NR1H4: variants seen among roughly 807,000 people sequenced by gnomAD.
The protein encoded by NR1H4 is nuclear receptor subfamily 1 group H member 4.
A neutral mutation model predicts 58.5 loss-of-function variants in NR1H4; 23 were observed. The observed-to-expected ratio is 0.39, with a 90% confidence interval of 0.28 to 0.56. The LOEUF (loss-of-function observed/expected upper bound fraction) is 0.56, where lower values mean the gene tolerates loss of function less well. Among genes scored for constraint, NR1H4 ranks in the 20% least tolerant of loss-of-function variants. NR1H4 has a pLI of 0.58. For synonymous variants in NR1H4, 214 were observed against 198.0 expected (o/e 1.08, Z -0.68); for missense variants, 487 against 576.9 (o/e 0.84, Z 1.60).
intron 9 of NR1H4, among the ~76,000 whole-genome samples, chr12:100,544,088 TA>T (rs2136268068): frequency 1.3e-5 from 2 of 151,964 alleles, no homozygotes; most frequent in East Asian, 3.9e-4. Context: ...CCGTCTCTAC[TA>T]AAAATACAAA....
At chr12:100,537,277 A>C (rs1054419919) in intron 8 of NR1H4, among the ~76,000 whole-genome samples, 13 of 152,354 alleles carry the variant, frequency 8.5e-5, no homozygotes, top group African/African-American at 2.9e-4. Context: ...GTAAAATGAA[A>C]ATCATTTAAT....
intron 4 of NR1H4, among the ~76,000 whole-genome samples, chr12:100,526,019 T>G (rs1954546969): frequency 6.6e-6 from 1 of 152,114 alleles, no homozygotes; most frequent in Non-Finnish European, 1.5e-5. Flanking sequence ...CTCTCTTTTT[T>G]CTTGGTTAGC....
intron 5 of NR1H4, 110 bp downstream of exon 5, chr12:100,532,720 C>T (rs1345722142): frequency 4.1e-6 from 4 of 971,286 alleles, no homozygotes; most frequent in Non-Finnish European, 6.3e-6. Context: ...ACCTACTAAG[C>T]CATCTAAGTT....
chr12:100,534,988 T>A lies in NR1H4; in HGVS notation c.697T>A (p.Leu233Met), dbSNP rs1954782065. 1 of 1,614,236 alleles carries A rather than the reference T, an allele frequency of 6.2e-7. No homozygotes were observed. Among genetic ancestry groups the A allele is most frequent in the African/African-American group, 1.3e-5 (1 of 75,076 alleles). ...TVNEDSEGRD[L>M]RQVTSTTKSC... The stretch of plus-strand genomic sequence containing the variant: ...GAATGAAGACAGTGAAGGTCGTGAC[T>A]TGCGACAAGTGACCTCGACAACAAA... Residue 233 changes from leucine (L) to methionine (M), a missense_variant, in exon 6 of 11, where the codon TTG becomes ATG. Transcript: ENST00000392986.
chr12:100,546,627 G>A (rs1296393362), intron 9 of NR1H4, among the ~76,000 whole-genome samples: 2 of 152,066 alleles, frequency 1.3e-5, no homozygotes, highest in African/African-American at 4.8e-5. Flanking sequence ...CCCAGGAGGT[G>A]GAGGCAGCAG....
intron 1 of NR1H4, among the ~76,000 whole-genome samples, chr12:100,485,902 C>T (rs1178193525): frequency 6.6e-6 from 1 of 152,100 alleles, no homozygotes; most frequent in Non-Finnish European, 1.5e-5. Context: ...ATAGTATTCA[C>T]CTGTGAATGT....
In NR1H4 at chr12:100,535,787, A is replaced by T. The variant is rs754292917; in HGVS notation, c.733-725A>T. Among the ~76,000 whole-genome samples the T allele has an allele frequency of 2.1e-4, 32 of 152,208 alleles. 1 individual carries two copies. Among genetic ancestry groups the T allele is most frequent in the Admixed American group, 3.3e-4 (5 of 15,274 alleles). On this transcript the variant is annotated intron_variant, in intron 6 of 10. Transcript: ENST00000392986. The stretch of plus-strand genomic sequence containing the variant: ...CAGTAACACTTTGGTATAAGAAAAC[A>T]AAGAGTTGACATAATTATTCACACT...
intron 1 of NR1H4, among the ~76,000 whole-genome samples, chr12:100,476,473 C>G (rs1953273851): frequency 6.6e-6 from 1 of 152,184 alleles, no homozygotes; most frequent in Non-Finnish European, 1.5e-5. Flanking sequence ...ACAATGAACT[C>G]TCCATGCTGC....
At chr12:100,541,611 T>C (rs554017896) in intron 9 of NR1H4, among the ~76,000 whole-genome samples, 12,164 of 151,742 alleles carry the variant, frequency 0.08, 1,545 homozygotes, top group African/African-American at 0.27. Flanking sequence ...TTTTCTTTTT[T>C]TTTTTTTGAG....
rs1357709693 is a variant in NR1H4 at position 100,511,032 on chromosome 12, C to T, written c.334C>T (p.Pro112Ser). The part of the protein sequence containing the change: ...EVAEMPVTKK[P>S]RMGASAGRIK... ...AGCAGAGATGCCTGTAACAAAGAAGCCCCGCATGGGCGCGTCAGCAGGGAG... is the reference window on the plus strand; with the variant it reads ...AGCAGAGATGCCTGTAACAAAGAAGTCCCGCATGGGCGCGTCAGCAGGGAG... The change falls in exon 4 of 11, where the codon CCC becomes TCC. Residue 112 changes from proline (P) to serine (S), a missense_variant. Transcript: ENST00000392986. 2 of 1,614,242 alleles carry T rather than the reference C, an allele frequency of 1.2e-6. No individual in the cohort carries two copies. Among genetic ancestry groups the T allele is most frequent in the Admixed American group, 1.7e-5 (1 of 60,024 alleles).
chr12:100,500,406 A>G (rs1292686863), intron 3 of NR1H4, among the ~76,000 whole-genome samples: 1 of 152,178 alleles, frequency 6.6e-6, no homozygotes, highest in Non-Finnish European at 1.5e-5. Context: ...GTGCCATCAG[A>G]TAGAACTTTC....
intron 4 of NR1H4, among the ~76,000 whole-genome samples, chr12:100,512,129 A>G (rs1314346029): frequency 1.3e-5 from 2 of 152,004 alleles, no homozygotes; most frequent in African/African-American, 4.8e-5. Flanking sequence ...GCTACTTGGG[A>G]GGCAGAGGTG....
chr12:100,483,815 C>A (rs1261384673), intron 1 of NR1H4, among the ~76,000 whole-genome samples: 1 of 151,932 alleles, frequency 6.6e-6, no homozygotes, highest in Non-Finnish European at 1.5e-5. Context: ...GAAACCCTGT[C>A]TCTACTGAAA....
At chr12:100,557,792 G>A (rs986581188) in intron 9 of NR1H4, among the ~76,000 whole-genome samples, 7 of 152,154 alleles carry the variant, frequency 4.6e-5, no homozygotes, top group South Asian at 2.1e-4. Flanking sequence ...ACTCTTTAGC[G>A]TCTGGAATCA....
chr12:100,525,620 G>A (rs1954535490), intron 4 of NR1H4, among the ~76,000 whole-genome samples: 3 of 152,156 alleles, frequency 2.0e-5, no homozygotes, highest in Admixed American at 2.0e-4. Flanking sequence ...TCTTTGTATA[G>A]TTTTGGTATT....
chr12:100,541,840 A>T (rs766633090), intron 9 of NR1H4, among the ~76,000 whole-genome samples: 12 of 151,026 alleles, frequency 7.9e-5, no homozygotes, highest in Non-Finnish European at 8.9e-5. Flanking sequence ...CGAGTGATCC[A>T]CCTACCTCGG....
At chr12:100,525,188 T>C (rs1954526367) in intron 4 of NR1H4, 2 of 152,242 alleles carry the variant, frequency 1.3e-5, no homozygotes, top group Admixed American at 6.5e-5. Context: ...ATGCAGTTCT[T>C]GTACAGTCTC....
At chr12:100,553,187 A>G (rs895752172) in intron 9 of NR1H4, among the ~76,000 whole-genome samples, 9 of 152,076 alleles carry the variant, frequency 5.9e-5, no homozygotes, top group African/African-American at 1.9e-4. Context: ...TTTAGTAGAG[A>G]TGGGGTTTCA....
chr12:100,483,985 G>GAAAA (rs61582838), intron 1 of NR1H4, among the ~76,000 whole-genome samples: 15 of 70,164 alleles, frequency 2.1e-4, no homozygotes, highest in East Asian at 4.3e-4. Context: ...CTCTGTCTCA[G>GAAAA]AAAAAAAAAA....
Sources: allele counts gnomAD v4.1 joint callset (sites outside exome capture counted in the v4.1 genomes callset), GRCh38; gene constraint gnomAD v4.1.1; transcripts MANE v1.5; gene names NCBI Gene and HGNC (gene_info 2026-07-23, HGNC 2026-07-21).